Variants in SYNE3 observed in about 807,000 individuals in gnomAD.
The protein encoded by SYNE3 is spectrin repeat containing nuclear envelope family member 3.
SYNE3 carries 100 observed loss-of-function variants against 111.2 expected under a neutral mutation model. The ratio of observed to expected loss-of-function variants is 0.90; its 90% CI spans 0.77 to 1.06. The LOEUF is 1.06. SYNE3 is among the 50% of genes least tolerant of loss of function. The probability of loss-of-function intolerance (pLI) is 0.00; values close to 1 mark genes in which losing one functional copy is unlikely to be tolerated. For synonymous variants in SYNE3, 547 were observed against 533.9 expected (o/e 1.02, Z -0.34); for missense variants, 1,160 against 1,240.3 (o/e 0.94, Z 0.97).
chr14:95,514,870 G>A (rs1383712854), intron 1 of SYNE3, among the ~76,000 whole-genome samples: 9 of 152,292 alleles, frequency 5.9e-5, no homozygotes, highest in East Asian at 5.8e-4. Flanking sequence ...AGGGCCCCCC[G>A]GCAGCCCGCT....
At chr14:95,444,736 C>T in intron 9 of SYNE3, 108 bp from the exon 10 acceptor site, 1 of 1,364,678 alleles carries the variant, frequency 7.3e-7, no homozygotes, top group Non-Finnish European at 9.7e-7. Flanking sequence ...CCAGCTCATG[C>T]TCATTCAGGC....
intron 1 of SYNE3, among the ~76,000 whole-genome samples, chr14:95,487,299 T>C (rs1255313849): frequency 6.6e-6 from 1 of 152,212 alleles, no homozygotes; most frequent in Admixed American, 6.5e-5. Context: ...CATTCTTTCT[T>C]ATATTTCTTA....
intron 17 of SYNE3, among the ~76,000 whole-genome samples, chr14:95,421,137 T>G (rs947896040): frequency 6.6e-6 from 1 of 152,322 alleles, no homozygotes; most frequent in Middle Eastern, 3.4e-3. Flanking sequence ...GTGAGTTCAT[T>G]AAACCTCTTT....
At chr14:95,503,435 A>G (rs928520734) in intron 1 of SYNE3, among the ~76,000 whole-genome samples, 2 of 152,206 alleles carry the variant, frequency 1.3e-5, no homozygotes, top group Non-Finnish European at 2.9e-5. Context: ...TACAGATGAA[A>G]GAACTGAGGC....
chr14:95,460,671 G>A (rs1440366392), intron 4 of SYNE3, among the ~76,000 whole-genome samples: 2 of 152,200 alleles, frequency 1.3e-5, no homozygotes, highest in African/African-American at 4.8e-5. Context: ...GCAGCCCTAA[G>A]GATGGCTCCG....
rs1465932421 is a variant in SYNE3, at chr14:95,427,327, G to A, written c.2727+4752C>T. ...GGGAAACGGAGTCTCCCTTTTCCCA[G>A]GGGAGTTTAGAGAAGACTCTACTCC... On this transcript the variant is annotated intron_variant, in intron 17 of 17. Transcript: ENST00000682763. Among the ~76,000 whole-genome samples, 5 of 152,122 alleles carry A rather than the reference G, an allele frequency of 3.3e-5. No individual in the cohort carries two copies. The East Asian group carries it at 9.7e-4, about 29-fold the overall frequency.
In SYNE3 at chr14:95,429,967, T is replaced by TAAGGAAGGAAGGAAGGAAGGAAGGAAGG. The variant is rs147459809; in HGVS notation, c.2727+2084_2727+2111dup. 4.2e-3 allele frequency: 3,603 copies of TAAGGAAGGAAGGAAGGAAGGAAGGAAGG among 852,548 alleles called. 250 individuals are homozygous for TAAGGAAGGAAGGAAGGAAGGAAGGAAGG. Among genetic ancestry groups the TAAGGAAGGAAGGAAGGAAGGAAGGAAGG allele is most frequent in the Admixed American group, 0.039 (454 of 11,574 alleles). The allele number at this position is 852,548 out of a possible 1,614,324, so 52.8% of individuals were successfully genotyped here. On this transcript the variant is annotated intron_variant, in intron 17 of 17. Transcript: ENST00000682763. ...TCACTGATCTTGGCACAGTCAGAACTAAGGAAGGAAGGAAGGAAGGAAGGA... is the reference window on the plus strand; with the variant it reads ...TCACTGATCTTGGCACAGTCAGAACTAAGGAAGGAAGGAAGGAAGGAAGGAAGGAAGGAAGGAAGGAAGGAAGGAAGGA...
At chr14:95,476,848 A>G (rs1467198992) in intron 1 of SYNE3, among the ~76,000 whole-genome samples, 1 of 152,244 alleles carries the variant, frequency 6.6e-6, no homozygotes, top group African/African-American at 2.4e-5. Context: ...TCAACATGGC[A>G]TTATTTAAAA....
rs1566965391 is a variant in SYNE3, at chr14:95,445,928, T to G, written c.1613A>C (p.Gln538Pro). Residue 538 changes from glutamine to proline, a missense_variant, in exon 9 of 18, where the codon CAG becomes CCG. Physicochemically the swap from Gln to Pro is moderately conservative, Grantham distance 76. Coordinates refer to ENST00000682763, the MANE Select transcript of SYNE3 (RefSeq NM_152592.6). Reference sequence around the variant, plus strand: ...GCACACCTGCAGTTTGCTTTTCCTCTGCAGGAGGCTGTTATGCAGCAGGTC... The same window carrying G: ...GCACACCTGCAGTTTGCTTTTCCTCGGCAGGAGGCTGTTATGCAGCAGGTC... ...DRDLLHNSLL[Q>P]RKSKLQSLLA... is the part of the protein sequence containing the mutation. 6.2e-7 allele frequency: 1 copy of G among 1,614,038 alleles called. No individual in the cohort carries two copies. Among genetic ancestry groups the G allele is most frequent in the Non-Finnish European group, 8.5e-7 (1 of 1,179,992 alleles).
intron 2 of SYNE3, among the ~76,000 whole-genome samples, chr14:95,474,582 C>T (rs1447831964): frequency 6.6e-6 from 1 of 152,224 alleles, no homozygotes; most frequent in Non-Finnish European, 1.5e-5. Context: ...TGTGAGGAGA[C>T]TCCATTTCCC....
At chr14:95,488,392 C>T (rs1223020707) in intron 1 of SYNE3, among the ~76,000 whole-genome samples, 1 of 152,178 alleles carries the variant, frequency 6.6e-6, no homozygotes, top group African/African-American at 2.4e-5. Context: ...TCCTGTGCCA[C>T]AGATTGTGGA....
At position 95,407,656 on chromosome 14, in the gene SYNE3, A is replaced by G. The variant is rs965443615; in HGVS notation, c.*10170T>C. ...TATGGTCCCTCTGCGTATTGTTTAC[A>G]TAATAGAATATTTAAAACAATGGAA... On this transcript the variant is annotated 3_prime_UTR_variant, in exon 18 of 18. Transcript: ENST00000682763. The G allele has an allele frequency of 4.6e-5, 7 of 152,230 alleles. No homozygotes were observed. Among genetic ancestry groups the G allele is most frequent in the African/African-American group, 1.4e-4 (6 of 41,460 alleles). The allele number at this position is 152,230 out of a possible 1,614,324, so 9.4% of individuals were successfully genotyped here.
chr14:95,510,709 A>G (rs1284948540), intron 1 of SYNE3, among the ~76,000 whole-genome samples: 1 of 151,576 alleles, frequency 6.6e-6, no homozygotes, highest in Non-Finnish European at 1.5e-5. Context: ...AATTGCTTGA[A>G]CCCGGGAGGC....
chr14:95,497,074 G>C (rs17092562), intron 1 of SYNE3, among the ~76,000 whole-genome samples: 6,599 of 152,320 alleles, frequency 0.043, 470 homozygotes, highest in African/African-American at 0.15. Context: ...TTCAAATCTG[G>C]ATGGTGTGAG....
intron 2 of SYNE3, 52 bp downstream of exon 2, chr14:95,475,626 G>A (rs1284679940): frequency 1.0e-5 from 14 of 1,387,906 alleles, no homozygotes; most frequent in Non-Finnish European, 1.2e-5. Context: ...CTGAGGGCGG[G>A]GTGGGATGGG....
chr14:95,447,280 CCCA>C (rs1278370110), intron 8 of SYNE3, among the ~76,000 whole-genome samples: 4 of 151,948 alleles, frequency 2.6e-5, no homozygotes, highest in Non-Finnish European at 5.9e-5. Flanking sequence ...ACTACAGGCG[CCCA>C]CCACCACACC....
intron 15 of SYNE3, among the ~76,000 whole-genome samples, chr14:95,435,836 G>C (rs527441732): frequency 1.4e-4 from 22 of 152,190 alleles, no homozygotes; most frequent in African/African-American, 4.6e-4. Flanking sequence ...TTTTCATTAG[G>C]GGGAGGACAG....
chr14:95,449,783 C>T (rs1886947498), intron 8 of SYNE3, 148 bp downstream of exon 8: 4 of 1,401,910 alleles, frequency 2.9e-6, no homozygotes, highest in Admixed American at 2.7e-5. Context: ...GCTCCCTGTG[C>T]ACCAGGACTC....
chr14:95,455,248 G>T, intron 6 of SYNE3, 129 bp downstream of exon 6: 1 of 713,066 alleles, frequency 1.4e-6, no homozygotes, highest in Non-Finnish European at 2.1e-6. Context: ...GAGATACCAA[G>T]AATCCCGGAG....
Sources: gnomAD v4.1 joint callset for allele counts (sites outside exome capture counted in the v4.1 genomes callset) on GRCh38, gnomAD v4.1.1 for gene constraint, MANE v1.5 for transcripts, NCBI Gene and HGNC (gene_info 2026-07-23, HGNC 2026-07-21) for gene names.